PACRG: variants seen among roughly 807,000 people sequenced by gnomAD.
The protein encoded by PACRG is parkin coregulated gene protein.
Under a neutral mutation model 29.7 loss-of-function variants are expected in PACRG, and 29 were observed. That is an observed-to-expected ratio of 0.98 (90% CI 0.73 to 1.33). The LOEUF is 1.33. PACRG is among the 40% of genes most tolerant of loss of function. The pLI is 0.00. For synonymous variants in PACRG, 116 were observed against 118.7 expected (o/e 0.98, Z 0.15); for missense variants, 279 against 316.2 (o/e 0.88, Z 0.89).
intron 4 of PACRG, among the ~76,000 whole-genome samples, chr6:163,093,987 G>T (rs1200654568): frequency 1.3e-5 from 2 of 152,140 alleles, no homozygotes; most frequent in African/African-American, 4.8e-5. Context: ...ATTTTATGTT[G>T]ATCATCTTTT....
intron 4 of PACRG, among the ~76,000 whole-genome samples, chr6:163,128,224 G>A (rs901327914): frequency 1.3e-5 from 2 of 152,220 alleles, no homozygotes; most frequent in African/African-American, 4.8e-5. Context: ...AAGCAGGGCT[G>A]AGAAATTGCC....
At chr6:162,826,466 C>CTTTTTTTT (rs576332156) in intron 2 of PACRG, among the ~76,000 whole-genome samples, 1 of 138,698 alleles carries the variant, frequency 7.2e-6, no homozygotes, top group Admixed American at 7.2e-5. Context: ...TTTCTTTTTT[C>CTTTTTTTT]TTTTTTTTTT....
chr6:163,118,038 G>A (rs1401456911), intron 4 of PACRG, among the ~76,000 whole-genome samples: 1 of 152,166 alleles, frequency 6.6e-6, no homozygotes, highest in Non-Finnish European at 1.5e-5. Flanking sequence ...CCTCGAGTCT[G>A]CTATTGACTC....
At chr6:163,150,678 G>A (rs1165116146) in intron 4 of PACRG, among the ~76,000 whole-genome samples, 2 of 152,138 alleles carry the variant, frequency 1.3e-5, no homozygotes, top group Admixed American at 6.5e-5. Context: ...CCCGTACCCG[G>A]GTCATGATTT....
intron 1 of PACRG, among the ~76,000 whole-genome samples, chr6:162,779,746 G>A (rs796792694): frequency 9.2e-5 from 14 of 152,134 alleles, no homozygotes; most frequent in Admixed American, 3.9e-4. Context: ...ATGTGACCTC[G>A]AAATAGTATG....
At chr6:163,281,326 C>G (rs1235359790) in intron 4 of PACRG, among the ~76,000 whole-genome samples, 1 of 152,150 alleles carries the variant, frequency 6.6e-6, no homozygotes, top group East Asian at 1.9e-4. Flanking sequence ...TGAAGAAGCC[C>G]TTGGCTCCTG....
At chr6:162,896,060 C>G (rs1021643866) in intron 2 of PACRG, among the ~76,000 whole-genome samples, 1 of 152,288 alleles carries the variant, frequency 6.6e-6, no homozygotes, top group South Asian at 2.1e-4. Flanking sequence ...TTAGATCAGG[C>G]CTGTGTAGAG....
intron 2 of PACRG, among the ~76,000 whole-genome samples, chr6:163,025,519 C>A (rs1457673439): frequency 6.6e-6 from 1 of 152,162 alleles, no homozygotes; most frequent in East Asian, 1.9e-4. Context: ...CCTAGAAATA[C>A]AGCTAACAAA....
intron 1 of PACRG, among the ~76,000 whole-genome samples, chr6:162,729,085 A>G (rs1022589970): frequency 5.5e-4 from 83 of 152,220 alleles, no homozygotes; most frequent in African/African-American, 2.0e-3. Flanking sequence ...TCTAAGTATC[A>G]TTAGAGAAAA....
At chr6:162,896,389 T>C (rs1795165828) in intron 2 of PACRG, among the ~76,000 whole-genome samples, 1 of 152,238 alleles carries the variant, frequency 6.6e-6, no homozygotes, top group Non-Finnish European at 1.5e-5. Flanking sequence ...CGGACTGTGC[T>C]GACTTACCAG....
intron 2 of PACRG, among the ~76,000 whole-genome samples, chr6:162,888,075 C>T (rs1264371566): frequency 6.6e-6 from 1 of 152,030 alleles, no homozygotes; most frequent in Non-Finnish European, 1.5e-5. Context: ...ACGTCGTGTC[C>T]TCATATGCTG....
At chr6:163,122,424 G>A (rs775893859) in intron 4 of PACRG, among the ~76,000 whole-genome samples, 7 of 152,168 alleles carry the variant, frequency 4.6e-5, no homozygotes, top group Admixed American at 6.5e-5. Flanking sequence ...CCTACCGGGC[G>A]GTGTTTGGGT....
At chr6:163,191,048 A>T in intron 4 of PACRG, 1 of 436,024 alleles carries the variant, frequency 2.3e-6, no homozygotes, top group South Asian at 1.7e-5. Context: ...ACATATTATC[A>T]TTTGAAAAAC....
chr6:162,797,902 A>T (rs1195996590), intron 1 of PACRG, among the ~76,000 whole-genome samples: 1 of 151,514 alleles, frequency 6.6e-6, no homozygotes, highest in East Asian at 1.9e-4. Context: ...CTATTACATC[A>T]CCATTTCTTC....
At chr6:163,106,048 G>T (rs147137014) in intron 4 of PACRG, among the ~76,000 whole-genome samples, 2 of 152,206 alleles carry the variant, frequency 1.3e-5, no homozygotes, top group East Asian at 3.9e-4. Flanking sequence ...CTAGATTCTG[G>T]ATTAAGCTGT....
At chr6:163,034,518 G>A (rs1040120246) in intron 2 of PACRG, among the ~76,000 whole-genome samples, 1 of 151,984 alleles carries the variant, frequency 6.6e-6, no homozygotes, top group Admixed American at 6.6e-5. Context: ...TATGAAGAGG[G>A]GCCTCTAACC....
At chr6:163,252,549 A>G (rs749470369) in intron 4 of PACRG, among the ~76,000 whole-genome samples, 6 of 152,214 alleles carry the variant, frequency 3.9e-5, no homozygotes, top group Non-Finnish European at 8.8e-5. Context: ...CCAGAGGGGC[A>G]GTGCTGCAGG....
chr6:162,774,490 TC>T (rs997957254), intron 1 of PACRG, among the ~76,000 whole-genome samples: 1 of 152,268 alleles, frequency 6.6e-6, no homozygotes, highest in African/African-American at 2.4e-5. Context: ...ATAGATCTTT[TC>T]TGATTGATCA....
rs140976241 is a variant in PACRG at position 162,924,414 on chromosome 6, C to T, written c.291+110133C>T. On this transcript the variant is annotated intron_variant, in intron 2 of 4. Coordinates refer to ENST00000366888, the MANE Select transcript of PACRG (RefSeq NM_001080379.2). ...TGCGTAATTGCTCTGGCTAGGACTTCCAGTACTCTATTGAATAGAGTGGTG... is the reference window on the plus strand; with the variant it reads ...TGCGTAATTGCTCTGGCTAGGACTTTCAGTACTCTATTGAATAGAGTGGTG... Among the ~76,000 whole-genome samples the T allele has an allele frequency of 3.3e-4, 50 of 152,178 alleles. No individual in the cohort carries two copies. In the East Asian group the frequency reaches 7.9e-3, roughly 24 times the overall value.
Sources: allele counts gnomAD v4.1 joint callset (sites outside exome capture counted in the v4.1 genomes callset), GRCh38; gene constraint gnomAD v4.1.1; transcripts MANE v1.5; gene names NCBI Gene and HGNC (gene_info 2026-07-23, HGNC 2026-07-21).